CSNK1G3: variants seen among roughly 807,000 people sequenced by gnomAD.
CSNK1G3 encodes the protein casein kinase 1 gamma 3, also known as casein kinase I isoform gamma-3.
In CSNK1G3, 23 loss-of-function variants were observed where a neutral mutation model predicts 64.3. The ratio of observed to expected loss-of-function variants is 0.36; its 90% confidence interval spans 0.26 to 0.51. The LOEUF is 0.51. Ranked by LOEUF, CSNK1G3 falls within the 20% of genes least tolerant of loss-of-function variation. The pLI is 0.96. For missense variants in CSNK1G3, 357 were observed against 510.5 expected, an observed-to-expected ratio of 0.70 and a Z score of 2.90; for synonymous variants, 158 against 162.2, an observed-to-expected ratio of 0.97 and a Z score of 0.20.
chr5:123,556,313 G>A lies in CSNK1G3; in HGVS notation c.220-1182G>A, dbSNP rs529372739. Among the ~76,000 whole-genome samples, 5 of 152,100 alleles carry A rather than the reference G, an allele frequency of 3.3e-5. No individual in the cohort carries two copies. The South Asian group carries it at 8.3e-4, about 25-fold the overall frequency. ...ATTCACATTCCTCTTGAATTGGTGG[G>A]TTGTTAACCTCATCAATTCTGGAAT... On this transcript the variant is annotated intron_variant, in intron 3 of 12. Coordinates refer to ENST00000345990, the Ensembl canonical transcript of CSNK1G3.
At chr5:123,545,946 G>A (rs554875810) in intron 2 of CSNK1G3, 105 bp downstream of exon 2, 1 of 978,860 alleles carries the variant, frequency 1.0e-6, no homozygotes, top group Non-Finnish European at 1.5e-6. Context: ...TTGTTTAATG[G>A]TTGTGGTAAT....
At chr5:123,515,885 A>G (rs1580818034) in intron 1 of CSNK1G3, among the ~76,000 whole-genome samples, 1 of 152,096 alleles carries the variant, frequency 6.6e-6, no homozygotes, top group African/African-American at 2.4e-5. Flanking sequence ...TATTACGACA[A>G]CTCTGAGTTA....
At chr5:123,552,646 T>C (rs1783914369) in intron 2 of CSNK1G3, among the ~76,000 whole-genome samples, 1 of 151,666 alleles carries the variant, frequency 6.6e-6, no homozygotes, top group Non-Finnish European at 1.5e-5. Flanking sequence ...ATATTTTATG[T>C]TTATTTAATA....
rs945047137 is a variant in CSNK1G3, at chr5:123,611,234, T to A, written c.1218-3108T>A. On this transcript the variant is annotated intron_variant, in intron 12 of 12. Coordinates refer to ENST00000345990, the Ensembl canonical transcript of CSNK1G3. ...CTTCCTAACTTCTGTAAGTATATCG[T>A]ATTTTGAGAACCTCTCTCTTGTCTA... Among the ~76,000 whole-genome samples, 3 of 152,200 alleles carry A rather than the reference T, an allele frequency of 2.0e-5. No individual in the cohort carries two copies. The South Asian group carries it at 6.2e-4, about 31-fold the overall frequency.
intron 1 of CSNK1G3, among the ~76,000 whole-genome samples, chr5:123,528,426 A>T (rs899627153): frequency 6.6e-6 from 1 of 152,190 alleles, no homozygotes; most frequent in East Asian, 1.9e-4. Context: ...CTTTTAATCA[A>T]TGTTGACTGC....
At chr5:123,519,268 G>T (rs1777687792) in intron 1 of CSNK1G3, among the ~76,000 whole-genome samples, 1 of 152,078 alleles carries the variant, frequency 6.6e-6, no homozygotes, top group Admixed American at 6.5e-5. Flanking sequence ...TGGCCAGGCT[G>T]GTCTTGAACT....
chr5:123,608,216 C>T (rs1348215037), intron 12 of CSNK1G3, among the ~76,000 whole-genome samples: 1 of 152,134 alleles, frequency 6.6e-6, no homozygotes, highest in Non-Finnish European at 1.5e-5. Context: ...CTATAATTAG[C>T]AGAGATCCTT....
intron 1 of CSNK1G3, among the ~76,000 whole-genome samples, chr5:123,542,278 A>G (rs1445533737): frequency 1.3e-5 from 2 of 152,212 alleles, no homozygotes; most frequent in African/African-American, 4.8e-5. Flanking sequence ...AAGGAATCTT[A>G]AAACAGTGTC....
chr5:123,582,866 A>G (rs902286678), intron 6 of CSNK1G3, among the ~76,000 whole-genome samples: 1 of 152,228 alleles, frequency 6.6e-6, no homozygotes, highest in Non-Finnish European at 1.5e-5. Flanking sequence ...AACTTACTAC[A>G]TGGTAAAATT....
intron 10 of CSNK1G3, among the ~76,000 whole-genome samples, chr5:123,597,451 C>T (rs1360270870): frequency 1.3e-5 from 2 of 152,066 alleles, no homozygotes; most frequent in Non-Finnish European, 2.9e-5. Flanking sequence ...AAATGAGCCT[C>T]GGTAAGACTA....
intron 6 of CSNK1G3, among the ~76,000 whole-genome samples, chr5:123,580,566 G>A (rs557959056): frequency 3.3e-5 from 5 of 151,990 alleles, no homozygotes; most frequent in African/African-American, 9.6e-5. Context: ...TACAGATGTG[G>A]ATTTCCATGT....
intron 1 of CSNK1G3, among the ~76,000 whole-genome samples, chr5:123,513,079 C>A: frequency 6.6e-6 from 1 of 151,912 alleles, no homozygotes; most frequent in African/African-American, 2.4e-5. Context: ...ATAAACTTCC[C>A]GTTGGAGTGT....
chr5:123,596,492 A>G (rs1264048421), intron 10 of CSNK1G3, among the ~76,000 whole-genome samples: 1 of 152,070 alleles, frequency 6.6e-6, no homozygotes, highest in Non-Finnish European at 1.5e-5. Context: ...TTTTCCTACC[A>G]TTTCTGTACC....
intron 4 of CSNK1G3, 110 bp from the exon 5 acceptor site, chr5:123,573,283 A>G (rs1467950302): frequency 3.6e-6 from 4 of 1,110,970 alleles, no homozygotes; most frequent in African/African-American, 1.6e-5. Context: ...AAAAAGTGAT[A>G]GTACTGCTTT....
chr5:123,529,805 G>A (rs920647085), intron 1 of CSNK1G3, among the ~76,000 whole-genome samples: 1 of 151,958 alleles, frequency 6.6e-6, no homozygotes, highest in African/African-American at 2.4e-5. Context: ...GCTTTTCTGG[G>A]TTTAGGTACA....
chr5:123,540,923 C>A (rs1347102141), intron 1 of CSNK1G3, among the ~76,000 whole-genome samples: 1 of 152,210 alleles, frequency 6.6e-6, no homozygotes, highest in African/African-American at 2.4e-5. Flanking sequence ...GCCAACAAGT[C>A]TGGCGATTTC....
intron 4 of CSNK1G3, among the ~76,000 whole-genome samples, chr5:123,571,141 G>A (rs899028780): frequency 2.0e-5 from 3 of 152,152 alleles, no homozygotes; most frequent in African/African-American, 4.8e-5. Flanking sequence ...CGTGTGTGAT[G>A]TGTGTGTGTT....
chr5:123,607,993 C>T (rs1316644951), intron 12 of CSNK1G3, among the ~76,000 whole-genome samples: 11 of 151,984 alleles, frequency 7.2e-5, no homozygotes, highest in Admixed American at 2.0e-4. Context: ...TGGAATCTTG[C>T]TGTGTTGCCA....
intron 2 of CSNK1G3, among the ~76,000 whole-genome samples, chr5:123,548,108 G>A (rs1450605232): frequency 6.6e-6 from 1 of 152,052 alleles, no homozygotes; most frequent in Non-Finnish European, 1.5e-5. Flanking sequence ...ATTTGGGGCT[G>A]GGCAGTTCTT....
Sources: gnomAD v4.1 joint callset for allele counts (sites outside exome capture counted in the v4.1 genomes callset) on GRCh38, gnomAD v4.1.1 for gene constraint, MANE v1.5 for transcripts, NCBI Gene and HGNC (gene_info 2026-07-23, HGNC 2026-07-21) for gene names.